Variants in MAML2 observed in about 807,000 individuals in gnomAD.
MAML2 encodes the protein mastermind like transcriptional coactivator 2, also known as mastermind-like protein 2.
A neutral mutation model predicts 96.1 loss-of-function variants in MAML2; 22 were observed. The observed-to-expected ratio is 0.23, with a 90% CI of 0.16 to 0.33. The LOEUF (loss-of-function observed/expected upper bound fraction) is 0.33. MAML2 is among the 10% of genes least tolerant of loss of function. MAML2 has a pLI of 1.00. For synonymous variants in MAML2, 561 were observed against 521.3 expected, an observed-to-expected ratio of 1.08 and a Z score of -1.04; for missense variants, 1,367 against 1,392.4, an observed-to-expected ratio of 0.98 and a Z score of 0.29.
intron 2 of MAML2, among the ~76,000 whole-genome samples, chr11:96,083,290 T>A (rs948001): frequency 0.59 from 89,665 of 151,710 alleles, 27,971 homozygotes; most frequent in African/African-American, 0.76. Context: ...GCTTATAAAC[T>A]ACCTGTGCAG....
At position 96,093,164 on chromosome 11, in the gene MAML2, A is replaced by G; in HGVS notation, c.867T>C (p.Phe289=). 1 of 1,614,016 alleles carries G rather than the reference A, an allele frequency of 6.2e-7. No homozygotes were observed. The highest frequency in any genetic ancestry group is 1.1e-5 in the South Asian group (1 of 91,070). Residue 289 remains phenylalanine (F), a synonymous_variant, in exon 2 of 5, where the codon TTT becomes TTC. Transcript: ENST00000524717. ...MDGQMTQENI[F]PNRYGDDPGE... is the part of the protein sequence containing the mutation. ...CAGGGTCGTCTCCGTACCTATTAGG[A>G]AAAATATTCTCTTGGGTCATTTGGC...
chr11:95,998,471 C>T (rs1858033435), intron 2 of MAML2, among the ~76,000 whole-genome samples: 2 of 152,078 alleles, frequency 1.3e-5, no homozygotes, highest in Admixed American at 6.6e-5. Flanking sequence ...ATGTCCTGGG[C>T]ATTTCATCAG....
chr11:96,300,858 A>G (rs908482270), intron 1 of MAML2, among the ~76,000 whole-genome samples: 2 of 152,130 alleles, frequency 1.3e-5, no homozygotes, highest in African/African-American at 2.4e-5. Flanking sequence ...TAAAAGCACA[A>G]ACTTTGGAAT....
At chr11:96,266,207 A>G (rs1862823679) in intron 1 of MAML2, among the ~76,000 whole-genome samples, 1 of 152,106 alleles carries the variant, frequency 6.6e-6, no homozygotes, top group African/African-American at 2.4e-5. Flanking sequence ...GAGGGGGACA[A>G]AGGAACTTTT....
intron 1 of MAML2, among the ~76,000 whole-genome samples, chr11:96,134,915 C>A (rs7924515): frequency 0.073 from 11,065 of 152,244 alleles, 1,142 homozygotes; most frequent in African/African-American, 0.23. Flanking sequence ...AGAGCTTCTG[C>A]AGTTCATTAG....
At chr11:96,007,225 A>G (rs1858197183) in intron 2 of MAML2, among the ~76,000 whole-genome samples, 1 of 146,862 alleles carries the variant, frequency 6.8e-6, no homozygotes, top group Admixed American at 6.8e-5. Flanking sequence ...GTTGGCCAGG[A>G]TGGTCTTGAT....
chr11:96,194,209 A>AGGCTGGGGTGGG (rs1861697853), intron 1 of MAML2, among the ~76,000 whole-genome samples: 1 of 152,196 alleles, frequency 6.6e-6, no homozygotes, highest in South Asian at 2.1e-4. Flanking sequence ...ATTGAACTGG[A>AGGCTGGGGTGGG]GGCTGGGGTG....
In MAML2 at chr11:96,342,217, C is replaced by A. The variant is rs1387664790; in HGVS notation, c.-322G>T. The A allele has an allele frequency of 1.5e-5, 7 of 474,744 alleles. No homozygotes were observed. Among genetic ancestry groups the A allele is most frequent in the African/African-American group, 2.0e-5 (1 of 50,946 alleles). 29.4% of individuals were successfully genotyped at this position (474,744 alleles called of 1,614,324 possible). A position where few individuals can be genotyped will look rare whatever the true frequency, so the allele number is the denominator to read the frequency against. ...GATTTTTTTTCCTCCACCAAGCTGA[C>A]AAGAGCCACTAGGTACTTTGTAAAC... On this transcript the variant is annotated 5_prime_UTR_variant, in exon 1 of 5. Transcript: ENST00000524717.
In MAML2 at chr11:96,041,070, T is replaced by C. The variant is rs554707095; in HGVS notation, c.2140-49347A>G. Among the ~76,000 whole-genome samples the C allele has an allele frequency of 8.5e-5, 13 of 152,324 alleles. No homozygotes were observed. The East Asian group carries it at 2.3e-3, about 27-fold the overall frequency. ...ATTTATTTACCCTTCCAGTTGCTGATGGGCACTTGGGTATTTTCTAGTTGC... is the reference window on the plus strand; with the variant it reads ...ATTTATTTACCCTTCCAGTTGCTGACGGGCACTTGGGTATTTTCTAGTTGC... On this transcript the variant is annotated intron_variant, in intron 2 of 4. Transcript: ENST00000524717.
intron 1 of MAML2, among the ~76,000 whole-genome samples, chr11:96,109,705 T>C (rs1337458593): frequency 2.6e-5 from 4 of 152,114 alleles, no homozygotes; most frequent in African/African-American, 9.7e-5. Context: ...GTGTGTTTCA[T>C]GATGGGGATG....
chr11:96,196,232 G>T (rs1292940709), intron 1 of MAML2, among the ~76,000 whole-genome samples: 1 of 152,166 alleles, frequency 6.6e-6, no homozygotes, highest in Non-Finnish European at 1.5e-5. Flanking sequence ...ATCATTGTTC[G>T]TGTGTTTCCT....
At position 95,978,766 on chromosome 11, in the gene MAML2, T is replaced by C; in HGVS notation, c.*182A>G. On this transcript the variant is annotated 3_prime_UTR_variant, in exon 5 of 5. Transcript: ENST00000524717. ...GATCCCAATATTTTACTTTCAGGTG[T>C]AAGATTTAAAACAAGAATTTGGACC... 1.7e-6 allele frequency: 1 copy of C among 599,424 alleles called. No individual in the cohort carries two copies. The highest frequency in any genetic ancestry group is 2.8e-6 in the Non-Finnish European group (1 of 351,700). The allele number at this position is 599,424 out of a possible 1,614,324, so 37.1% of individuals were successfully genotyped here. A position where few individuals can be genotyped will look rare whatever the true frequency, so the allele number is the denominator to read the frequency against.
chr11:96,142,704 T>A (rs1461798699), intron 1 of MAML2, among the ~76,000 whole-genome samples: 2 of 152,294 alleles, frequency 1.3e-5, no homozygotes, highest in Middle Eastern at 3.4e-3. Context: ...CAGGAAGGGA[T>A]CTCATTTACA....
chr11:96,122,533 C>T (rs183850415), intron 1 of MAML2, among the ~76,000 whole-genome samples: 4 of 136,932 alleles, frequency 2.9e-5, no homozygotes, highest in East Asian at 2.1e-4. Context: ...TGTGTGTGCA[C>T]GTGCACGTGC....
At chr11:96,262,338 AT>A (rs1366441136) in intron 1 of MAML2, among the ~76,000 whole-genome samples, 1 of 152,184 alleles carries the variant, frequency 6.6e-6, no homozygotes, top group Admixed American at 6.5e-5. Flanking sequence ...TAGCATTATT[AT>A]TTATTGTATA....
chr11:96,129,285 G>A (rs1297090975), intron 1 of MAML2, among the ~76,000 whole-genome samples: 2 of 152,064 alleles, frequency 1.3e-5, no homozygotes, highest in Non-Finnish European at 2.9e-5. Flanking sequence ...TAAAGAAGAG[G>A]TCTCTTCATT....
chr11:96,236,097 T>C (rs1373163512), intron 1 of MAML2, among the ~76,000 whole-genome samples: 1 of 152,236 alleles, frequency 6.6e-6, no homozygotes, highest in Non-Finnish European at 1.5e-5. Flanking sequence ...TTTGAATTCA[T>C]GACAAAGGCG....
intron 1 of MAML2, among the ~76,000 whole-genome samples, chr11:96,322,792 C>G (rs1863724357): frequency 6.6e-6 from 1 of 152,212 alleles, no homozygotes; most frequent in Non-Finnish European, 1.5e-5. Flanking sequence ...GTTACGTTTG[C>G]TTTCTCTTCA....
At chr11:96,144,159 C>G (rs966444228) in intron 1 of MAML2, among the ~76,000 whole-genome samples, 1 of 152,128 alleles carries the variant, frequency 6.6e-6, no homozygotes, top group Non-Finnish European at 1.5e-5. Context: ...AATTCTGCAG[C>G]CTAACTGATA....
Sources: gnomAD v4.1 joint callset for allele counts (sites outside exome capture counted in the v4.1 genomes callset) on GRCh38, gnomAD v4.1.1 for gene constraint, MANE v1.5 for transcripts, NCBI Gene and HGNC (gene_info 2026-07-23, HGNC 2026-07-21) for gene names.